The following NDUFA5 variants were observed in gnomAD, a reference collection of about 807,000 sequenced individuals.
NDUFA5 encodes NADH dehydrogenase [ubiquinone] 1 alpha subcomplex subunit 5.
A neutral mutation model predicts 19.8 loss-of-function variants in NDUFA5; 11 were observed. That is an observed-to-expected ratio of 0.56 (90% CI 0.35 to 0.92). NDUFA5 has a LOEUF of 0.92. Ranked by LOEUF, NDUFA5 falls within the 40% of genes least tolerant of loss-of-function variation. The pLI, the probability that NDUFA5 is intolerant of heterozygous loss-of-function variation, is 0.01. For synonymous variants in NDUFA5, 47 were observed against 46.8 expected (o/e 1.00, Z -0.01); for missense variants, 109 against 134.2 (o/e 0.81, Z 0.93).
At chr7:123,565,742 G>T in the NDUFA5 span, among the ~76,000 whole-genome samples, 2 of 152,150 alleles carry the variant, frequency 1.3e-5, no homozygotes, top group African/African-American at 4.8e-5. Flanking sequence ...TTAGCCGGGC[G>T]CAGTGGCTCA....
the NDUFA5 span, among the ~76,000 whole-genome samples, chr7:123,567,776 C>T: frequency 1.3e-5 from 2 of 151,948 alleles, no homozygotes; most frequent in Non-Finnish European, 2.9e-5. Flanking sequence ...GCGAAAATAA[C>T]CCAGAATCAG....
chr7:123,552,768 A>G (rs1304300622), intron 2 of NDUFA5, among the ~76,000 whole-genome samples: 1 of 152,026 alleles, frequency 6.6e-6, no homozygotes, highest in African/African-American at 2.4e-5. Flanking sequence ...TCCTCCACAA[A>G]TAACTCACAA....
At chr7:123,586,581 T>C in the NDUFA5 span, among the ~76,000 whole-genome samples, 1 of 151,860 alleles carries the variant, frequency 6.6e-6, no homozygotes, top group Admixed American at 6.6e-5. Context: ...TGTTTATTTT[T>C]GCTTTTATTG....
the NDUFA5 span, among the ~76,000 whole-genome samples, chr7:123,584,299 A>C: frequency 8.0e-6 from 1 of 124,834 alleles, no homozygotes; most frequent in Non-Finnish European, 1.7e-5. Flanking sequence ...TGACACAGAA[A>C]GGCCTTGTCA....
the NDUFA5 span, among the ~76,000 whole-genome samples, chr7:123,563,229 C>T: frequency 1.3e-5 from 2 of 152,284 alleles, no homozygotes; most frequent in East Asian, 3.9e-4. Flanking sequence ...TCTTAGCTTT[C>T]AACATGCCTC....
rs890600143 is a variant in NDUFA5, at chr7:123,540,640, C to G, written c.*1479G>C. ...GAAATAGGCCATTCTGAGAAACAGGCCAAACTTGCCTCAATGTAGTCATTG... is the reference window on the plus strand; with the variant it reads ...GAAATAGGCCATTCTGAGAAACAGGGCAAACTTGCCTCAATGTAGTCATTG... On this transcript the variant is annotated 3_prime_UTR_variant, in exon 5 of 5. Coordinates refer to ENST00000355749, the MANE Select transcript of NDUFA5 (RefSeq NM_005000.5). 1 of 151,940 alleles carries G rather than the reference C, an allele frequency of 6.6e-6. No homozygotes were observed. Among genetic ancestry groups the G allele is most frequent in the African/African-American group, 2.4e-5 (1 of 41,344 alleles). 9.4% of individuals were successfully genotyped at this position (151,940 alleles called of 1,614,324 possible).
rs1459016607 is a variant in NDUFA5, at chr7:123,551,824, C to T, written c.67-1238G>A. 5.3e-5 allele frequency among the ~76,000 whole-genome samples: 8 copies of T among 152,048 alleles called. No homozygotes were observed. The East Asian group carries it at 1.3e-3, about 26-fold the overall frequency. On this transcript the variant is annotated intron_variant, in intron 2 of 4. Coordinates refer to ENST00000355749, the MANE Select transcript of NDUFA5 (RefSeq NM_005000.5). ...TCCTCTCCAATTTAAATATATAATG[C>T]ATATATTAGTTTTTAATATAGCATT...
chr7:123,544,911 G>A (rs1040113831), intron 4 of NDUFA5, among the ~76,000 whole-genome samples: 2 of 151,472 alleles, frequency 1.3e-5, no homozygotes, highest in African/African-American at 4.8e-5. Flanking sequence ...TATGACCAAA[G>A]GAAAAGAATT....
the NDUFA5 span, among the ~76,000 whole-genome samples, chr7:123,594,932 T>G: frequency 6.6e-6 from 1 of 152,184 alleles, no homozygotes; most frequent in Non-Finnish European, 1.5e-5. Flanking sequence ...TGAGCAGCCG[T>G]GTGCTCCACC....
chr7:123,545,805 T>C, intron 3 of NDUFA5, 129 bp from the exon 4 acceptor site: 1 of 607,048 alleles, frequency 1.6e-6, no homozygotes, highest in South Asian at 2.2e-5. Context: ...CTCTTTTTAC[T>C]AAATATTTGG....
upstream of NDUFA5, among the ~76,000 whole-genome samples, chr7:123,560,709 G>T (rs1798677914): frequency 6.6e-6 from 1 of 152,108 alleles, no homozygotes; most frequent in Admixed American, 6.5e-5. Context: ...GCTTGGGGTT[G>T]GGTCAGGGTG....
At chr7:123,598,128 G>A in the NDUFA5 span, among the ~76,000 whole-genome samples, 4 of 152,072 alleles carry the variant, frequency 2.6e-5, no homozygotes, top group Admixed American at 6.6e-5. Context: ...ATGTGTGTCT[G>A]TATATATAGA....
the NDUFA5 span, among the ~76,000 whole-genome samples, chr7:123,563,200 A>G: frequency 6.6e-6 from 1 of 152,206 alleles, no homozygotes; most frequent in Non-Finnish European, 1.5e-5. Context: ...CTGGTGCAAG[A>G]GGCCTACTTT....
chr7:123,557,768 G>T lies in NDUFA5; in HGVS notation c.21+7C>A, dbSNP rs748961684. ...TAAATTCCAACAGTGACCTCCATTC[G>T]TCTCACCTTCTTCAGCACACCCGCC... On this transcript the variant is annotated splice_region_variant and intron_variant, in intron 1 of 4. Transcript: ENST00000355749. 2 of 1,613,486 alleles carry T rather than the reference G, an allele frequency of 1.2e-6. No individual in the cohort carries two copies. The highest frequency in any genetic ancestry group is 1.3e-5 in the African/African-American group (1 of 74,690).
chr7:123,588,879 A>AT, the NDUFA5 span, among the ~76,000 whole-genome samples: 8 of 149,026 alleles, frequency 5.4e-5, no homozygotes, highest in East Asian at 2.0e-4. Context: ...TAATTTTCCC[A>AT]TTTTTTTTCT....
chr7:123,594,574 C>T, the NDUFA5 span, among the ~76,000 whole-genome samples: 1 of 152,140 alleles, frequency 6.6e-6, no homozygotes, highest in Non-Finnish European at 1.5e-5. Context: ...GCTGGAGGTC[C>T]ACTCCAGACC....
the NDUFA5 span, among the ~76,000 whole-genome samples, chr7:123,583,118 G>T: frequency 6.6e-6 from 1 of 151,976 alleles, no homozygotes; most frequent in African/African-American, 2.4e-5. Flanking sequence ...AGACCTAGGT[G>T]CAGTGGCTCA....
the NDUFA5 span, chr7:123,596,515 T>A: frequency 6.6e-6 from 1 of 151,926 alleles, no homozygotes; most frequent in Non-Finnish European, 1.5e-5. Flanking sequence ...AGGAGGCTGA[T>A]GCGAGATGAT....
rs1372989097 is a variant in NDUFA5, at chr7:123,545,599, CT to C, written c.249+11del. 1.9e-6 allele frequency: 3 copies of C among 1,607,926 alleles called. No homozygotes were observed. In the African/African-American group the frequency reaches 4.0e-5, roughly 22 times the overall value. On this transcript the variant is annotated intron_variant, in intron 4 of 4. Coordinates refer to ENST00000355749, the MANE Select transcript of NDUFA5 (RefSeq NM_005000.5). ...TGAAACCAAACACCTAAATAGTCAA[CT>C]TTTTCTTTACCTGAAGAATCACCTC...
Sources: allele counts gnomAD v4.1 joint callset (sites outside exome capture counted in the v4.1 genomes callset), GRCh38; gene constraint gnomAD v4.1.1; transcripts MANE v1.5; gene names NCBI Gene and HGNC (gene_info 2026-07-23, HGNC 2026-07-21).